BPIFB1: variants seen among roughly 807,000 people sequenced by gnomAD.
BPIFB1 encodes the protein BPI fold containing family B member 1.
Under a neutral mutation model 55.1 loss-of-function variants are expected in BPIFB1, and 34 were observed. The observed-to-expected ratio is 0.62, with a 90% CI of 0.47 to 0.82. The LOEUF is 0.82. Among genes scored for constraint, BPIFB1 ranks in the 40% least tolerant of loss-of-function variants. The pLI is 0.00. For missense variants in BPIFB1, 532 were observed against 593.1 expected, an observed-to-expected ratio of 0.90 and a Z score of 1.07; for synonymous variants, 236 against 245.3, an observed-to-expected ratio of 0.96 and a Z score of 0.35.
At chr20:33,297,788 A>G in intron 7 of BPIFB1, 200 bp downstream of exon 7, 1 of 617,502 alleles carries the variant, frequency 1.6e-6, no homozygotes, top group Admixed American at 2.6e-5. Context: ...ATGAGCTCTT[A>G]CTATTTGTGC....
rs200869546 is a variant in BPIFB1, at chr20:33,303,092, C to T, written c.1140+18C>T. ...TGGGCATCGTGAGTTCAGTTGTCTG[C>T]GATATTGGCAGCAACCAGGGGGACC... On this transcript the variant is annotated intron_variant, in intron 11 of 15. Coordinates refer to ENST00000253354, the MANE Select transcript of BPIFB1 (RefSeq NM_033197.3). 23 of 1,611,642 alleles carry T rather than the reference C, an allele frequency of 1.4e-5. No individual in the cohort carries two copies. The highest frequency in any genetic ancestry group is 4.0e-5 in the African/African-American group (3 of 74,856).
intron 2 of BPIFB1, 42 bp downstream of exon 2, chr20:33,286,230 G>A (rs1980263080): frequency 6.4e-7 from 1 of 1,567,620 alleles, no homozygotes; most frequent in Non-Finnish European, 8.8e-7. Flanking sequence ...TAAGACAAGG[G>A]GGTAGGTGGA....
In BPIFB1 at chr20:33,304,830, G is replaced by A; in HGVS notation, c.1209-16G>A. On this transcript the variant is annotated splice_polypyrimidine_tract_variant and intron_variant, in intron 12 of 15. Transcript: ENST00000253354. Reference sequence around the variant, plus strand: ...GGGACTTCAGGGGCCGCTCTCACAGGCATCTTCCATTGCAGCTCTGATCGG... The same window carrying A: ...GGGACTTCAGGGGCCGCTCTCACAGACATCTTCCATTGCAGCTCTGATCGG... 2.5e-6 allele frequency: 4 copies of A among 1,614,158 alleles called. No homozygotes were observed. Among genetic ancestry groups the A allele is most frequent in the Non-Finnish European group, 3.4e-6 (4 of 1,180,010 alleles).
Position 33,288,768 on chromosome 20 carries a change from A to ACGCC in BPIFB1, c.144_147dup (p.Thr50ArgfsTer45). On this transcript the variant is annotated frameshift_variant, in exon 3 of 16. Transcript: ENST00000253354. LOFTEE classifies it high-confidence loss of function. The stretch of plus-strand genomic sequence containing the variant: ...CTGACACAGGAGCTGAAGGACCACA[A>ACGCC]CGCCACCAGCATCCTGCAGCAGCTG... 2 of 1,613,840 alleles carry ACGCC rather than the reference A, an allele frequency of 1.2e-6. No individual in the cohort carries two copies. Among genetic ancestry groups the ACGCC allele is most frequent in the South Asian group, 1.1e-5 (1 of 91,064 alleles).
intron 15 of BPIFB1, chr20:33,307,528 G>A (rs1245912046): frequency 6.3e-6 from 1 of 159,464 alleles, no homozygotes; most frequent in African/African-American, 2.4e-5. Context: ...TTGAGCCAAT[G>A]CCTGAGGAGG....
At chr20:33,291,262 A>G (rs1173514060) in intron 5 of BPIFB1, among the ~76,000 whole-genome samples, 156 bp downstream of exon 5, 3 of 152,212 alleles carry the variant, frequency 2.0e-5, no homozygotes, top group African/African-American at 7.2e-5. Context: ...CTTCCAGGGA[A>G]TCTGTGATGC....
At position 33,302,940 on chromosome 20, in the gene BPIFB1, C is replaced by G; in HGVS notation, c.1006C>G (p.Gln336Glu). Reference sequence around the variant, plus strand: ...GGCTGCAGATAAGCTGGGATCTACCCAGATCGTGAAGATCCTAACTCAGGA... The same window carrying G: ...GGCTGCAGATAAGCTGGGATCTACCGAGATCGTGAAGATCCTAACTCAGGA... ...EKAADKLGST[Q>E]IVKILTQDTP... is the part of the protein sequence containing the mutation. Residue 336 changes from glutamine (Q) to glutamate (E), a missense_variant, in exon 11 of 16, where the codon CAG becomes GAG. Physicochemically the swap from Gln to Glu is conservative, Grantham distance 29 (BLOSUM62 2). Transcript: ENST00000253354. 1 of 1,614,144 alleles carries G rather than the reference C, an allele frequency of 6.2e-7. No individual in the cohort carries two copies. The highest frequency in any genetic ancestry group is 8.5e-7 in the Non-Finnish European group (1 of 1,180,008).
At chr20:33,289,202 A>C (rs1980369375) in intron 3 of BPIFB1, among the ~76,000 whole-genome samples, 1 of 152,052 alleles carries the variant, frequency 6.6e-6, no homozygotes, top group African/African-American at 2.4e-5. Flanking sequence ...CCAACATGGC[A>C]AAACCCCATC....
intron 12 of BPIFB1, 43 bp from the exon 13 acceptor site, chr20:33,304,803 G>A (rs780325954): frequency 2.5e-6 from 4 of 1,612,674 alleles, no homozygotes; most frequent in Middle Eastern, 1.6e-4. Context: ...TGGTGAATGA[G>A]TGGGACTTCA....
At chr20:33,292,021 G>A (rs1276268586) in intron 6 of BPIFB1, 33 bp downstream of exon 6, 1 of 1,596,992 alleles carries the variant, frequency 6.3e-7, no homozygotes, top group African/African-American at 1.3e-5. Context: ...TGGCCTGTGG[G>A]CATTGCGCCC....
chr20:33,295,816 AGAAG>A (rs1277573905), intron 6 of BPIFB1, among the ~76,000 whole-genome samples: 116 of 142,264 alleles, frequency 8.2e-4, no homozygotes, highest in Admixed American at 2.7e-3. Flanking sequence ...AAGGAAGGAA[AGAAG>A]GAAGGAAGGA....
At chr20:33,290,066 A>T (rs535240728) in intron 4 of BPIFB1, 74 bp downstream of exon 4, 3 of 1,154,622 alleles carry the variant, frequency 2.6e-6, no homozygotes, top group Non-Finnish European at 3.9e-6. Flanking sequence ...CGCCCCCACC[A>T]TGCAGGTGTC....
intron 3 of BPIFB1, among the ~76,000 whole-genome samples, chr20:33,289,388 A>AC (rs148821881): frequency 2.7e-5 from 4 of 150,146 alleles, no homozygotes; most frequent in Non-Finnish European, 5.9e-5. Flanking sequence ...TCTCAAAAAA[A>AC]AAAAAACAAA....
Position 33,297,490 on chromosome 20 carries a change from C to T in BPIFB1, c.598-35C>T, listed in dbSNP as rs773354752. On this transcript the variant is annotated intron_variant, in intron 6 of 15. Transcript: ENST00000253354. ...CTGCTGTGGGGCTGCATTCTGGCCCCTCCCTGATGGAGCCCCTTGCTTATG... is the reference window on the plus strand; with the variant it reads ...CTGCTGTGGGGCTGCATTCTGGCCCTTCCCTGATGGAGCCCCTTGCTTATG... 3.7e-6 allele frequency: 6 copies of T among 1,612,824 alleles called. No homozygotes were observed. The Admixed American group carries it at 6.7e-5, about 18-fold the overall frequency.
chr20:33,286,101 C>T lies in BPIFB1; in HGVS notation c.28C>T (p.Leu10Phe), dbSNP rs1195026542. 2 of 1,614,118 alleles carry T rather than the reference C, an allele frequency of 1.2e-6. No homozygotes were observed. Among genetic ancestry groups the T allele is most frequent in the Non-Finnish European group, 1.7e-6 (2 of 1,180,046 alleles). MAGPWTFTL[L>F]CGLLAATLIQ... is the part of the protein sequence containing the mutation. ...GGCCGGCCCGTGGACCTTCACCCTT[C>T]TCTGTGGTTTGCTGGCAGCCACCTT... Residue 10 changes from leucine (L) to phenylalanine (F), a missense_variant, in exon 2 of 16, where the codon CTC becomes TTC. Physicochemically the swap from Leu to Phe is conservative, Grantham distance 22. Coordinates refer to ENST00000253354, the MANE Select transcript of BPIFB1 (RefSeq NM_033197.3).
chr20:33,300,460 G>T (rs1980809385), intron 8 of BPIFB1, among the ~76,000 whole-genome samples: 1 of 152,334 alleles, frequency 6.6e-6, no homozygotes, highest in Admixed American at 6.5e-5. Flanking sequence ...ACCACACCAT[G>T]CCTGGCAGAC....
At chr20:33,285,177 G>A (rs1378905374) in intron 1 of BPIFB1, among the ~76,000 whole-genome samples, 1 of 152,130 alleles carries the variant, frequency 6.6e-6, no homozygotes, top group East Asian at 1.9e-4. Context: ...AGATATGGGA[G>A]GAGAAAAGCA....
At chr20:33,288,599 G>A (rs1412146592) in intron 2 of BPIFB1, 142 bp from the exon 3 acceptor site, 7 of 946,006 alleles carry the variant, frequency 7.4e-6, no homozygotes, top group Non-Finnish European at 1.1e-5. Context: ...GGCTGGTCCT[G>A]ACCTCCACCA....
intron 2 of BPIFB1, 130 bp downstream of exon 2, chr20:33,286,318 T>C: frequency 2.6e-6 from 2 of 764,062 alleles, no homozygotes. Context: ...TGGGTGAACA[T>C]GAGTGGGAGG....
Sources: allele counts gnomAD v4.1 joint callset (sites outside exome capture counted in the v4.1 genomes callset), GRCh38; gene constraint gnomAD v4.1.1; transcripts MANE v1.5; gene names NCBI Gene and HGNC (gene_info 2026-07-23, HGNC 2026-07-21).